The following EYA1 variants were observed in gnomAD, a reference collection of about 807,000 sequenced individuals.
The protein encoded by EYA1 is protein phosphatase EYA1.
A neutral mutation model predicts 82.0 loss-of-function variants in EYA1; 16 were observed. The ratio of observed to expected loss-of-function variants is 0.20; its 90% CI spans 0.13 to 0.30. The LOEUF is 0.30. Ranked by LOEUF, EYA1 falls within the 10% of genes least tolerant of loss-of-function variation. The probability of loss-of-function intolerance (pLI) is 1.00; values close to 1 mark genes in which losing one functional copy is unlikely to be tolerated. For missense variants in EYA1, 633 were observed against 730.7 expected (o/e 0.87, Z 1.54); for synonymous variants, 261 against 264.4 (o/e 0.99, Z 0.12).
chr8:71,349,454 C>G (rs563712943), intron 3 of EYA1, among the ~76,000 whole-genome samples: 42 of 152,352 alleles, frequency 2.8e-4, no homozygotes, highest in Admixed American at 3.3e-4. Context: ...AATCCAGGCT[C>G]TGGACTCAGA....
At chr8:71,519,606 T>G (rs914089911) in intron 2 of EYA1, among the ~76,000 whole-genome samples, 3 of 151,378 alleles carry the variant, frequency 2.0e-5, no homozygotes, top group Non-Finnish European at 4.4e-5. Flanking sequence ...TCCTGATTAC[T>G]AAGTCTTTCT....
chr8:71,486,341 C>G (rs774302248), intron 2 of EYA1, among the ~76,000 whole-genome samples: 6 of 152,170 alleles, frequency 3.9e-5, no homozygotes, highest in East Asian at 1.9e-4. Context: ...ATAATCGACT[C>G]TACTGGAAAG....
intron 2 of EYA1, among the ~76,000 whole-genome samples, chr8:71,469,277 G>GAA (rs1319099455): frequency 6.6e-6 from 1 of 152,080 alleles, no homozygotes; most frequent in Non-Finnish European, 1.5e-5. Context: ...TTCAGTTGGA[G>GAA]AAATGTCAGT....
intron 2 of EYA1, among the ~76,000 whole-genome samples, chr8:71,522,625 T>C (rs1032886428): frequency 7.3e-6 from 1 of 137,456 alleles, no homozygotes; most frequent in Non-Finnish European, 1.7e-5. Flanking sequence ...CAAACTTTTT[T>C]TTTTTTTTTT....
At chr8:71,508,630 C>T (rs1179760180) in intron 2 of EYA1, among the ~76,000 whole-genome samples, 1 of 152,126 alleles carries the variant, frequency 6.6e-6, no homozygotes, top group Non-Finnish European at 1.5e-5. Context: ...CAAGGTTGCT[C>T]ATTGTTATTT....
chr8:71,212,604 G>C (rs894978894), intron 16 of EYA1, among the ~76,000 whole-genome samples: 7 of 152,114 alleles, frequency 4.6e-5, no homozygotes, highest in African/African-American at 1.7e-4. Flanking sequence ...TGCCAATTTG[G>C]GGTCATGTAG....
chr8:71,319,063 T>G (rs2129027832), intron 6 of EYA1, among the ~76,000 whole-genome samples: 1 of 152,088 alleles, frequency 6.6e-6, no homozygotes, highest in East Asian at 1.9e-4. Context: ...TTCCACCTCT[T>G]GCTGCATTTG....
chr8:71,286,358 GACTCTGTA>G (rs978264929), intron 9 of EYA1, among the ~76,000 whole-genome samples: 4 of 152,200 alleles, frequency 2.6e-5, no homozygotes, highest in African/African-American at 4.8e-5. Flanking sequence ...GATTACTGCT[GACTCTGTA>G]ACTCTGGAGT....
In EYA1 at chr8:71,361,034, A is replaced by G. The variant is rs182469629; in HGVS notation, c.-55+613T>C. Among the ~76,000 whole-genome samples, 53 of 152,350 alleles carry G rather than the reference A, an allele frequency of 3.5e-4. 1 individual carries two copies. In the East Asian group the frequency reaches 0.01, roughly 29 times the overall value. On this transcript the variant is annotated intron_variant, in intron 1 of 17. Coordinates refer to ENST00000340726, the MANE Select transcript of EYA1 (RefSeq NM_000503.6). ...CACTCAAGCCTTACAAAGTGTCAAT[A>G]AGAGAAAAATATATTAATTGGGTAA... is the stretch of plus-strand genomic sequence containing the variant.
intron 3 of EYA1, among the ~76,000 whole-genome samples, chr8:71,344,089 A>G (rs1411795107): frequency 6.6e-6 from 1 of 152,162 alleles, no homozygotes; most frequent in African/African-American, 2.4e-5. Flanking sequence ...TAAACACTTC[A>G]GCATTCATAT....
intron 2 of EYA1, among the ~76,000 whole-genome samples, chr8:71,409,955 C>T (rs1830490712): frequency 6.9e-6 from 1 of 145,864 alleles, no homozygotes; most frequent in Non-Finnish European, 1.5e-5. Flanking sequence ...CCTTGATGAA[C>T]ATTGATGCAA....
chr8:71,286,606 A>C (rs1586184989), intron 9 of EYA1, among the ~76,000 whole-genome samples: 1 of 152,042 alleles, frequency 6.6e-6, no homozygotes, highest in East Asian at 1.9e-4. Flanking sequence ...TGAGAATAGA[A>C]ATAGACATTT....
chr8:71,378,750 C>T (rs73684763), intron 2 of EYA1, among the ~76,000 whole-genome samples: 127 of 152,098 alleles, frequency 8.3e-4, no homozygotes, highest in African/African-American at 2.7e-3. Context: ...TTAGGATATT[C>T]GAAACCTTTA....
chr8:71,318,343 A>G (rs1437485811), intron 6 of EYA1, among the ~76,000 whole-genome samples: 1 of 152,248 alleles, frequency 6.6e-6, no homozygotes, highest in Non-Finnish European at 1.5e-5. Context: ...GCAGTGATTT[A>G]TAAACAAGTG....
In EYA1 at chr8:71,535,713, T is replaced by C. The variant is rs1306037778; in HGVS notation, c.33+31A>G. 7.9e-5 allele frequency: 117 copies of C among 1,477,970 alleles called. No individual in the cohort carries two copies. In the East Asian group the frequency reaches 2.9e-3, roughly 37 times the overall value. 91.6% of individuals were successfully genotyped at this position (1,477,970 alleles called of 1,614,324 possible). ...ATGATGATTTTAAAAGTAATAATTC[T>C]TTCCTTAGGACTGACATTCTGTTTA... On this transcript the variant is annotated intron_variant, in intron 2 of 18. Transcript: ENST00000643681.
upstream of EYA1, among the ~76,000 whole-genome samples, chr8:71,365,635 T>C (rs920144126): frequency 1.3e-5 from 2 of 152,188 alleles, no homozygotes; most frequent in African/African-American, 2.4e-5. Context: ...ATAAATTTAT[T>C]TTTCTTATGG....
intron 2 of EYA1, among the ~76,000 whole-genome samples, chr8:71,498,320 C>T (rs927568891): frequency 6.6e-6 from 1 of 152,100 alleles, no homozygotes; most frequent in African/African-American, 2.4e-5. Context: ...TAAATACATA[C>T]AATTTTATCT....
intron 2 of EYA1, among the ~76,000 whole-genome samples, chr8:71,427,900 AG>A (rs1215392219): frequency 2.0e-5 from 3 of 151,630 alleles, no homozygotes; most frequent in Non-Finnish European, 4.4e-5. Flanking sequence ...GGGTTGCTTG[AG>A]CCTGGGAGGT....
intron 9 of EYA1, among the ~76,000 whole-genome samples, chr8:71,296,070 T>A (rs545745879): frequency 1.2e-4 from 19 of 152,330 alleles, no homozygotes; most frequent in South Asian, 6.2e-4. Context: ...TGAATTTTTT[T>A]AATTAAGATA....
Sources: allele counts gnomAD v4.1 joint callset (sites outside exome capture counted in the v4.1 genomes callset), GRCh38; gene constraint gnomAD v4.1.1; transcripts MANE v1.5; gene names NCBI Gene and HGNC (gene_info 2026-07-23, HGNC 2026-07-21).